KPNA6: variants seen among roughly 807,000 people sequenced by gnomAD.
The protein encoded by KPNA6 is karyopherin subunit alpha 6.
In KPNA6, 9 loss-of-function variants were observed where a neutral mutation model predicts 72.0. The ratio of observed to expected loss-of-function variants is 0.13; its 90% CI spans 0.08 to 0.22. KPNA6 has a LOEUF of 0.22. Among genes scored for constraint, KPNA6 ranks in the 10% least tolerant of loss-of-function variants. The probability of loss-of-function intolerance (pLI) is 1.00; values close to 1 mark genes in which losing one functional copy is unlikely to be tolerated. For missense variants in KPNA6, 374 were observed against 655.7 expected (o/e 0.57, Z 4.69); for synonymous variants, 219 against 242.1 (o/e 0.90, Z 0.89).
At chr1:32,128,927 A>G (rs960877113) in intron 1 of KPNA6, among the ~76,000 whole-genome samples, 1 of 152,172 alleles carries the variant, frequency 6.6e-6, no homozygotes, top group Non-Finnish European at 1.5e-5. Context: ...ACTCTGAGAT[A>G]GTCTGGGTAA....
intron 1 of KPNA6, among the ~76,000 whole-genome samples, chr1:32,112,567 A>G (rs1641259555): frequency 6.6e-6 from 1 of 152,084 alleles, no homozygotes; most frequent in African/African-American, 2.4e-5. Flanking sequence ...ATCTCGGCTC[A>G]CTGCAACCTC....
intron 1 of KPNA6, among the ~76,000 whole-genome samples, chr1:32,146,585 A>T (rs542703844): frequency 6.6e-6 from 1 of 152,212 alleles, no homozygotes; most frequent in Non-Finnish European, 1.5e-5. Context: ...GAAGCATACA[A>T]AACTGCTCAT....
chr1:32,139,261 A>G (rs925919595), intron 1 of KPNA6, among the ~76,000 whole-genome samples: 25 of 152,194 alleles, frequency 1.6e-4, no homozygotes, highest in Admixed American at 9.8e-4. Context: ...ATAATGAAAG[A>G]AAGAAAACAG....
Position 32,167,171 on chromosome 1 carries a change from T to C in KPNA6, c.1119T>C (p.Ala373=), listed in dbSNP as rs771698974. 6.2e-7 allele frequency: 1 copy of C among 1,613,922 alleles called. No homozygotes were observed. The highest frequency in any genetic ancestry group is 1.7e-5 in the Admixed American group (1 of 60,008). ...ITAGNRAQIQ[A]VIDANIFPVL... ...GCCTCCTCTCAATTCTCTCTCAGGC[T>C]GTTATAGATGCAAATATCTTCCCTG... Residue 373 remains alanine, a splice_region_variant and synonymous_variant, in exon 12 of 14, where the codon GCT becomes GCC. Coordinates refer to ENST00000373625, the MANE Select transcript of KPNA6 (RefSeq NM_012316.5).
chr1:32,128,495 CAT>C (rs1641581912), intron 1 of KPNA6, among the ~76,000 whole-genome samples: 1 of 139,454 alleles, frequency 7.2e-6, no homozygotes, highest in African/African-American at 2.7e-5. Context: ...GATATATAGT[CAT>C]GTGTACAGGA....
At chr1:32,139,043 T>A (rs962678760) in intron 1 of KPNA6, among the ~76,000 whole-genome samples, 1 of 152,220 alleles carries the variant, frequency 6.6e-6, no homozygotes, top group Non-Finnish European at 1.5e-5. Flanking sequence ...TGCTATATAC[T>A]CCTTTACTTA....
intron 1 of KPNA6, among the ~76,000 whole-genome samples, chr1:32,146,765 C>T (rs1036231415): frequency 6.6e-6 from 1 of 152,144 alleles, no homozygotes; most frequent in Non-Finnish European, 1.5e-5. Context: ...TATATCTGCC[C>T]ATATAGTTAC....
chr1:32,119,032 A>ATATATATTTTT (rs1167325052), intron 1 of KPNA6, among the ~76,000 whole-genome samples: 1 of 40,272 alleles, frequency 2.5e-5, no homozygotes, highest in Non-Finnish European at 4.1e-5. Flanking sequence ...ATATATATAT[A>ATATATATTTTT]TTTTTTTTTT....
In KPNA6 at chr1:32,173,550, T is replaced by C. The variant is rs1321341754; in HGVS notation, c.*2656T>C. Reference sequence around the variant, plus strand: ...ATGTCTTCTCCAGACCAGGTTTTCCTGTTATCTTCCTTTAATCCCCTTTCA... The same window carrying C: ...ATGTCTTCTCCAGACCAGGTTTTCCCGTTATCTTCCTTTAATCCCCTTTCA... On this transcript the variant is annotated 3_prime_UTR_variant, in exon 14 of 14. Transcript: ENST00000373625. The C allele has an allele frequency of 6.4e-6, 1 of 155,812 alleles. No homozygotes were observed. The highest frequency in any genetic ancestry group is 2.4e-5 in the African/African-American group (1 of 41,622). 9.7% of individuals were successfully genotyped at this position (155,812 alleles called of 1,614,324 possible). A position where few individuals can be genotyped will look rare whatever the true frequency, so the allele number is the denominator to read the frequency against.
intron 1 of KPNA6, among the ~76,000 whole-genome samples, chr1:32,125,348 G>A (rs555729996): frequency 3.9e-5 from 6 of 152,160 alleles, no homozygotes; most frequent in Admixed American, 6.5e-5. Flanking sequence ...TGAGTTTTTA[G>A]ACTTTTGCTT....
intron 1 of KPNA6, among the ~76,000 whole-genome samples, chr1:32,123,272 C>CT (rs376000759): frequency 6.6e-6 from 1 of 151,896 alleles, no homozygotes; most frequent in African/African-American, 2.4e-5. Context: ...TGTTTCTCAA[C>CT]TTTTTTTTAA....
At chr1:32,122,957 CAAAAAAA>C (rs912635889) in intron 1 of KPNA6, among the ~76,000 whole-genome samples, 1 of 56,122 alleles carries the variant, frequency 1.8e-5, no homozygotes, top group Non-Finnish European at 3.9e-5. Context: ...AACTCCATCT[CAAAAAAA>C]AAAAAAAAAA....
chr1:32,129,083 G>T (rs1440044191), intron 1 of KPNA6, among the ~76,000 whole-genome samples: 2 of 151,718 alleles, frequency 1.3e-5, no homozygotes, highest in Non-Finnish European at 2.9e-5. Context: ...ATCCAGCACA[G>T]CTACCTTCTG....
At chr1:32,141,929 G>T (rs1012226477) in intron 1 of KPNA6, among the ~76,000 whole-genome samples, 6 of 152,060 alleles carry the variant, frequency 3.9e-5, no homozygotes, top group African/African-American at 1.4e-4. Context: ...TTAAACAACA[G>T]AAATGTATTT....
intron 1 of KPNA6, among the ~76,000 whole-genome samples, chr1:32,114,700 A>T (rs1313616519): frequency 1.3e-5 from 2 of 152,166 alleles, no homozygotes; most frequent in African/African-American, 2.4e-5. Flanking sequence ...TAGCTATGAA[A>T]GTCCTAGATG....
chr1:32,119,014 A>T (rs1641378960), intron 1 of KPNA6, among the ~76,000 whole-genome samples: 2 of 67,600 alleles, frequency 3.0e-5, no homozygotes, highest in Non-Finnish European at 2.5e-5. Flanking sequence ...ATATATATAT[A>T]TATATATATA....
chr1:32,115,829 T>C (rs1641319592), intron 1 of KPNA6, among the ~76,000 whole-genome samples: 1 of 151,998 alleles, frequency 6.6e-6, no homozygotes, highest in African/African-American at 2.4e-5. Flanking sequence ...CTGCAACCTC[T>C]TCCTCCCAGA....
intron 1 of KPNA6, among the ~76,000 whole-genome samples, chr1:32,148,008 T>C (rs1177324067): frequency 2.0e-5 from 3 of 152,302 alleles, no homozygotes; most frequent in South Asian, 4.1e-4. Flanking sequence ...GTTGATCTTA[T>C]TGGGCATCTT....
chr1:32,166,081 T>G (rs757260689), intron 10 of KPNA6, 24 bp from the exon 11 acceptor site: 3 of 1,571,540 alleles, frequency 1.9e-6, no homozygotes, highest in Non-Finnish European at 2.6e-6. Flanking sequence ...TTTTCTTTTG[T>G]TTCCTGTGCT....
Sources: allele counts gnomAD v4.1 joint callset (sites outside exome capture counted in the v4.1 genomes callset), GRCh38; gene constraint gnomAD v4.1.1; transcripts MANE v1.5; gene names NCBI Gene and HGNC (gene_info 2026-07-23, HGNC 2026-07-21).